The following MYRF variants were observed in gnomAD, a reference collection of about 807,000 sequenced individuals.
MYRF encodes myelin gene regulatory factor.
In MYRF, 16 loss-of-function variants were observed where a neutral mutation model predicts 126.3. The ratio of observed to expected loss-of-function variants is 0.13; its 90% CI spans 0.09 to 0.19. The LOEUF (loss-of-function observed/expected upper bound fraction) is 0.19. Ranked by LOEUF, MYRF falls within the 10% of genes least tolerant of loss-of-function variation. The probability of loss-of-function intolerance (pLI) is 1.00; values close to 1 mark genes in which losing one functional copy is unlikely to be tolerated. For synonymous variants in MYRF, 608 were observed against 635.3 expected (o/e 0.96, Z 0.65); for missense variants, 1,104 against 1,547.0 (o/e 0.71, Z 4.80).
intron 1 of MYRF, among the ~76,000 whole-genome samples, chr11:61,761,592 C>T (rs1302956957): frequency 6.6e-6 from 1 of 152,230 alleles, no homozygotes; most frequent in Admixed American, 6.5e-5. Flanking sequence ...CCCCAGGTAG[C>T]CCCGGCCCTG....
At chr11:61,762,906 T>TC (rs2065939426) in intron 1 of MYRF, among the ~76,000 whole-genome samples, 1 of 151,764 alleles carries the variant, frequency 6.6e-6, no homozygotes, top group African/African-American at 2.4e-5. Context: ...CACGGGAGGG[T>TC]CCCTCCTCCC....
chr11:61,771,811 G>A lies in MYRF; in HGVS notation c.992-18G>A. The stretch of plus-strand genomic sequence containing the variant: ...GGACCCAAGGTGCAGGGCCCACATG[G>A]GCGTTCCCTCCCTCCAGGCCTCCTG... On this transcript the variant is annotated intron_variant, in intron 6 of 26. Transcript: ENST00000278836. 6.2e-7 allele frequency: 1 copy of A among 1,614,008 alleles called. No homozygotes were observed. The highest frequency in any genetic ancestry group is 8.5e-7 in the Non-Finnish European group (1 of 1,179,978).
In MYRF at chr11:61,778,388, G is replaced by A; in HGVS notation, c.1912G>A (p.Ala638Thr). Reference sequence around the variant, plus strand: ...TTGTCCCCTGCCCCCAGGTGTCATCGCTCAGGAGGTGAAGGAGATCTTGCC... The same window carrying A: ...TTGTCCCCTGCCCCCAGGTGTCATCACTCAGGAGGTGAAGGAGATCTTGCC... ...EATAPETGVI[A>T]QEVKEILPEA... Residue 638 changes from alanine to threonine, a missense_variant, in exon 14 of 27, where the codon GCT (alanine) becomes ACT (threonine). Physicochemically the swap from Ala to Thr is moderately conservative, Grantham distance 58 (BLOSUM62 0). Around this residue, in one of 10 missense-constraint regions of MYRF, gnomAD observed 123 missense variants for 209.1 expected, o/e 0.59. Coordinates refer to ENST00000278836, the MANE Select transcript of MYRF (RefSeq NM_001127392.3). This position sits in a 1 kb window ranked among gnomAD's most constrained non-coding sequence, Gnocchi z 4.6. 1 of 1,613,200 alleles carries A rather than the reference G, an allele frequency of 6.2e-7. No individual in the cohort carries two copies. Among genetic ancestry groups the A allele is most frequent in the Non-Finnish European group, 8.5e-7 (1 of 1,179,238 alleles).
chr11:61,777,828 C>T lies in MYRF; in HGVS notation c.1886C>T (p.Ala629Val). The T allele has an allele frequency of 6.4e-7, 1 of 1,552,196 alleles. No homozygotes were observed. The highest frequency in any genetic ancestry group is 2.4e-5 in the East Asian group (1 of 40,972). ...TTCGCCGCCAGCGCGGGCATCGAGG[C>T]CACCGCGCCAGAGACAGGTAGGGAC... is the stretch of plus-strand genomic sequence containing the variant. ...PEFAASAGIEATAPETGVIAQ... is the reference protein window; with the variant it reads ...PEFAASAGIEVTAPETGVIAQ... The change falls in exon 13 of 27, where the codon GCC becomes GTC. Residue 629 changes from alanine (A) to valine (V), a missense_variant. Ala to Val is a moderately conservative substitution (Grantham distance 64). This residue lies in a region of MYRF where 123 missense variants were observed against 209.1 expected (regional missense o/e 0.59). Transcript: ENST00000278836. The surrounding 1 kb of genome is among the most constrained non-coding windows in gnomAD (Gnocchi z 8.8).
intron 5 of MYRF, 86 bp downstream of exon 5, chr11:61,770,611 G>T (rs2066192217): frequency 7.3e-7 from 1 of 1,374,322 alleles, no homozygotes; most frequent in Non-Finnish European, 9.8e-7. Context: ...GCCAGAGAGG[G>T]AGGTAGGGAC....
At chr11:61,781,523 G>T in intron 21 of MYRF, 50 bp from the exon 22 acceptor site, 1 of 1,585,518 alleles carries the variant, frequency 6.3e-7, no homozygotes, top group Non-Finnish European at 8.6e-7. Flanking sequence ...CAGCTGGACA[G>T]GAAGCAGCCA....
At position 61,777,884 on chromosome 11, in the gene MYRF, C is replaced by T. The variant is rs780797880; in HGVS notation, c.1903+39C>T. The stretch of plus-strand genomic sequence containing the variant: ...TGGTGCGGACTGGGGTCCGGAAACC[C>T]AGAAACCTCGGGCCTCAGTGACCTT... On this transcript the variant is annotated intron_variant, in intron 13 of 26. Transcript: ENST00000278836. This position sits in a 1 kb window ranked among gnomAD's most constrained non-coding sequence, Gnocchi z 8.8. The T allele has an allele frequency of 7.3e-6, 11 of 1,511,368 alleles. No homozygotes were observed. In the South Asian group the frequency reaches 1.3e-4, roughly 18 times the overall value. 93.6% of individuals were successfully genotyped at this position (1,511,368 alleles called of 1,614,324 possible).
At chr11:61,755,671 G>T (rs2065731322) in intron 1 of MYRF, 1 of 708,644 alleles carries the variant, frequency 1.4e-6, no homozygotes, top group African/African-American at 1.7e-5. Flanking sequence ...AAGAACCTCA[G>T]CTCTGAAGAA....
chr11:61,757,391 G>A lies in MYRF; in HGVS notation c.46+4601G>A, dbSNP rs2065788637. ...GTAAAACGGGAGTGCAGTTGTAATGGCAGGGCCTCCGTCCCAGGGTTTCTG... is the reference window on the plus strand; with the variant it reads ...GTAAAACGGGAGTGCAGTTGTAATGACAGGGCCTCCGTCCCAGGGTTTCTG... On this transcript the variant is annotated intron_variant, in intron 1 of 26. Transcript: ENST00000278836. This position sits in a 1 kb window ranked among gnomAD's most constrained non-coding sequence, Gnocchi z 4.7. The A allele has an allele frequency of 2.2e-6, 1 of 452,330 alleles. No individual in the cohort carries two copies. The highest frequency in any genetic ancestry group is 4.5e-6 in the Non-Finnish European group (1 of 223,632). 28.0% of individuals were successfully genotyped at this position (452,330 alleles called of 1,614,324 possible). A position where few individuals can be genotyped will look rare whatever the true frequency, so the allele number is the denominator to read the frequency against.
At chr11:61,769,483 C>T (rs980903566) in intron 4 of MYRF, among the ~76,000 whole-genome samples, 162 bp downstream of exon 4, 6 of 152,180 alleles carry the variant, frequency 3.9e-5, no homozygotes, top group Non-Finnish European at 7.4e-5. Flanking sequence ...TGTTTCCCCA[C>T]GGGCGGGTGG....
At chr11:61,755,769 G>A (rs2065734620) in intron 1 of MYRF, 1 of 574,772 alleles carries the variant, frequency 1.7e-6, no homozygotes. Context: ...TAGATTCTAG[G>A]GGCACATGAG....
rs2066230569 is a variant in MYRF at position 61,771,820 on chromosome 11, T to C, written c.992-9T>C. The C allele has an allele frequency of 6.2e-7, 1 of 1,613,864 alleles. No homozygotes were observed. The highest frequency in any genetic ancestry group is 8.5e-7 in the Non-Finnish European group (1 of 1,179,978). On this transcript the variant is annotated splice_polypyrimidine_tract_variant and intron_variant, in intron 6 of 26. Transcript: ENST00000278836. Reference sequence around the variant, plus strand: ...GTGCAGGGCCCACATGGGCGTTCCCTCCCTCCAGGCCTCCTGCAGGACAGT... The same window carrying C: ...GTGCAGGGCCCACATGGGCGTTCCCCCCCTCCAGGCCTCCTGCAGGACAGT...
At chr11:61,779,618 T>C in intron 16 of MYRF, 48 bp downstream of exon 16, 2 of 1,438,592 alleles carry the variant, frequency 1.4e-6, no homozygotes, top group Non-Finnish European at 1.8e-6. Context: ...GGGCCTCCCT[T>C]GTGGCCTCCC....
At chr11:61,754,784 T>C (rs2135665344) in intron 1 of MYRF, among the ~76,000 whole-genome samples, 1 of 152,238 alleles carries the variant, frequency 6.6e-6, no homozygotes, top group Middle Eastern at 3.4e-3. Flanking sequence ...GCTGCCCGTC[T>C]AGGAGGGCTG....
chr11:61,783,714 G>GTAGC lies in MYRF; in HGVS notation c.3119+115_3119+118dup, dbSNP rs1443215112. Reference sequence around the variant, plus strand: ...GGAGGAGCCTCCCCCATAAGGAAGGGTAGCCCCTTTCCAGGCTACCCTTGG... The same window carrying GTAGC: ...GGAGGAGCCTCCCCCATAAGGAAGGGTAGCTAGCCCCTTTCCAGGCTACCCTTGG... On this transcript the variant is annotated intron_variant, in intron 23 of 26. Transcript: ENST00000278836. This position sits in a 1 kb window ranked among gnomAD's most constrained non-coding sequence, Gnocchi z 4.6. 554 of 1,360,012 alleles carry GTAGC rather than the reference G, an allele frequency of 4.1e-4. 3 individuals are homozygous for GTAGC. Among genetic ancestry groups the GTAGC allele is most frequent in the Non-Finnish European group, 1.2e-5 (12 of 968,714 alleles). 84.2% of individuals were successfully genotyped at this position (1,360,012 alleles called of 1,614,324 possible). A position where few individuals can be genotyped will look rare whatever the true frequency, so the allele number is the denominator to read the frequency against.
Position 61,777,911 on chromosome 11 carries a change from C to A in MYRF, c.1903+66C>A. On this transcript the variant is annotated intron_variant, in intron 13 of 26. Coordinates refer to ENST00000278836, the MANE Select transcript of MYRF (RefSeq NM_001127392.3). This position sits in a 1 kb window ranked among gnomAD's most constrained non-coding sequence, Gnocchi z 8.8. The stretch of plus-strand genomic sequence containing the variant: ...GAAACCTCGGGCCTCAGTGACCTTG[C>A]CCCCTGTCACCTGGAAATCCTACTC... The A allele has an allele frequency of 4.8e-6, 6 of 1,249,792 alleles. No individual in the cohort carries two copies. The highest frequency in any genetic ancestry group is 2.6e-5 in the South Asian group (2 of 77,966). The allele number at this position is 1,249,792 out of a possible 1,614,324, so 77.4% of individuals were successfully genotyped here.
Position 61,766,268 on chromosome 11 carries a change from C to A in MYRF, c.398+47C>A, listed in dbSNP as rs1267087459. 15 of 1,542,340 alleles carry A rather than the reference C, an allele frequency of 9.7e-6. No homozygotes were observed. The African/African-American group carries it at 2.1e-4, about 21-fold the overall frequency. ...GGGGATACAGCGGCATAGGGGCAGGCAGGGAGCAGGGCTGTGGCCGTGACC... is the reference window on the plus strand; with the variant it reads ...GGGGATACAGCGGCATAGGGGCAGGAAGGGAGCAGGGCTGTGGCCGTGACC... On this transcript the variant is annotated intron_variant, in intron 3 of 26. Coordinates refer to ENST00000278836, the MANE Select transcript of MYRF (RefSeq NM_001127392.3).
chr11:61,765,763 C>T, intron 2 of MYRF, 51 bp downstream of exon 2: 1 of 1,553,196 alleles, frequency 6.4e-7, no homozygotes, highest in Non-Finnish European at 8.8e-7. Context: ...AGCCCTTCGC[C>T]TCCCTTCTGT....
intron 16 of MYRF, 72 bp from the exon 17 acceptor site, chr11:61,779,770 T>G: frequency 6.9e-7 from 1 of 1,456,304 alleles, no homozygotes; most frequent in South Asian, 1.2e-5. Context: ...TCCTCCGACC[T>G]CCAGCAGAGC....
Sources: gnomAD v4.1 joint callset for allele counts (sites outside exome capture counted in the v4.1 genomes callset) on GRCh38, gnomAD v4.1.1 for gene constraint, gnomAD v4.1.1 regional missense constraint, Gnocchi (gnomAD v3.1) non-coding constraint, MANE v1.5 for transcripts, NCBI Gene and HGNC (gene_info 2026-07-23, HGNC 2026-07-21) for gene names.